MAST4: variants seen among roughly 807,000 people sequenced by gnomAD.
The protein encoded by MAST4 is microtubule associated serine/threonine kinase family member 4.
In MAST4, 89 loss-of-function variants were observed where a neutral mutation model predicts 162.7. The observed-to-expected ratio is 0.55, with a 90% CI of 0.46 to 0.65. MAST4 has a LOEUF of 0.65. MAST4 is among the 30% of genes least tolerant of loss of function. The pLI is 0.00. For synonymous variants in MAST4, 1,479 were observed against 1,361.1 expected (o/e 1.09, Z -1.91); for missense variants, 3,153 against 3,374.0 (o/e 0.93, Z 1.62).
At position 66,699,678 on chromosome 5, in the gene MAST4, C is replaced by T. The variant is rs188476719; in HGVS notation, c.364-60031C>T. 1.7e-3 allele frequency among the ~76,000 whole-genome samples: 252 copies of T among 150,446 alleles called. 1 individual carries two copies. Among genetic ancestry groups the T allele is most frequent in the African/African-American group, 5.7e-3 (234 of 41,198 alleles). On this transcript the variant is annotated intron_variant, in intron 1 of 28. Transcript: ENST00000403625. ...CACAGGAACAGAAAACCAAACACCA[C>T]GTGTTCTCACTCATAAGTGGGAGCT...
chr5:67,165,576 A>C lies in MAST4; in HGVS notation c.6397A>C (p.Ile2133Leu), dbSNP rs199583818. Residue 2133 changes from isoleucine to leucine, a missense_variant, in exon 29 of 29, where the codon ATC (isoleucine) becomes CTC (leucine). Physicochemically the swap from Ile to Leu is conservative, Grantham distance 5. Around this residue, in one of 7 missense-constraint regions of MAST4, gnomAD observed 1,644 missense variants for 1,495.0 expected, o/e 1.10. Coordinates refer to ENST00000403625, the MANE Select transcript of MAST4 (RefSeq NM_001164664.2). Reference protein sequence around the residue: ...EQPLQRHPSSIPPPPLTAKDL... With the variant: ...EQPLQRHPSSLPPPPLTAKDL... ...GCCTCTACAAAGGCATCCCAGCAGC[A>C]TCCCTCCGCCCCCTCTGACGGCCAA... 2 of 1,613,924 alleles carry C rather than the reference A, an allele frequency of 1.2e-6. No individual in the cohort carries two copies. The highest frequency in any genetic ancestry group is 1.1e-5 in the South Asian group (1 of 91,074).
chr5:67,104,208 A>G (rs985420330), intron 9 of MAST4, among the ~76,000 whole-genome samples, 158 bp from the exon 10 acceptor site: 4 of 152,210 alleles, frequency 2.6e-5, no homozygotes, highest in Non-Finnish European at 4.4e-5. Context: ...ATGTACCATT[A>G]TTTTATCAGA....
At chr5:66,664,095 G>A (rs1163292687) in intron 1 of MAST4, among the ~76,000 whole-genome samples, 1 of 152,076 alleles carries the variant, frequency 6.6e-6, no homozygotes, top group African/African-American at 2.4e-5. Flanking sequence ...AATAGAATTG[G>A]CATTTACTGA....
At chr5:66,761,439 C>T (rs1016358323) in intron 2 of MAST4, among the ~76,000 whole-genome samples, 2 of 152,108 alleles carry the variant, frequency 1.3e-5, no homozygotes, top group Admixed American at 1.3e-4. Context: ...AGTACTTTTT[C>T]CTCTAGATAT....
At chr5:66,786,426 C>A (rs1755123439) in intron 2 of MAST4, among the ~76,000 whole-genome samples, 1 of 150,428 alleles carries the variant, frequency 6.6e-6, no homozygotes, top group Non-Finnish European at 1.5e-5. Flanking sequence ...AAAACATGAA[C>A]AAAGAAAATG....
At chr5:66,953,180 T>C (rs1561474578) in intron 4 of MAST4, among the ~76,000 whole-genome samples, 2 of 152,182 alleles carry the variant, frequency 1.3e-5, no homozygotes, top group Non-Finnish European at 2.9e-5. Context: ...TTTTTAAGAA[T>C]ATATAAATAA....
intron 1 of MAST4, among the ~76,000 whole-genome samples, chr5:66,666,375 G>T (rs1025894874): frequency 6.6e-6 from 1 of 152,102 alleles, no homozygotes; most frequent in South Asian, 2.1e-4. Flanking sequence ...GTCATATCTG[G>T]TCATCTGTAT....
At chr5:66,717,050 G>A (rs80320288) in intron 1 of MAST4, among the ~76,000 whole-genome samples, 2,909 of 152,226 alleles carry the variant, frequency 0.019, 93 homozygotes, top group African/African-American at 0.065. Context: ...GTATTAAGCG[G>A]GAGGGAAGCG....
chr5:66,712,477 G>A (rs76047053), intron 1 of MAST4, among the ~76,000 whole-genome samples: 2,312 of 152,200 alleles, frequency 0.015, 62 homozygotes, highest in African/African-American at 0.052. Context: ...AGAGACTGTC[G>A]GAGAAAAGAC....
At chr5:67,080,195 T>G (rs1329146163) in intron 5 of MAST4, among the ~76,000 whole-genome samples, 2 of 152,232 alleles carry the variant, frequency 1.3e-5, no homozygotes, top group Non-Finnish European at 2.9e-5. Context: ...TGTCTTTGAC[T>G]TTCTGGCCCT....
intron 5 of MAST4, among the ~76,000 whole-genome samples, chr5:67,055,323 T>C (rs539239355): frequency 3.2e-4 from 49 of 152,286 alleles, no homozygotes; most frequent in Non-Finnish European, 5.9e-4. Context: ...TAGGAAGGTA[T>C]CTTCAGGATT....
At chr5:67,161,753 A>G (rs1435601252) in intron 27 of MAST4, among the ~76,000 whole-genome samples, 2 of 152,248 alleles carry the variant, frequency 1.3e-5, no homozygotes, top group African/African-American at 4.8e-5. Context: ...TACTCTGATT[A>G]AAATTACACA....
chr5:67,147,406 G>A (rs1396937342), intron 23 of MAST4, among the ~76,000 whole-genome samples: 2 of 152,228 alleles, frequency 1.3e-5, no homozygotes, highest in Non-Finnish European at 2.9e-5. Context: ...AGAAGCTCAC[G>A]CTTATATGCA....
intron 1 of MAST4, among the ~76,000 whole-genome samples, chr5:66,706,575 T>A (rs764008487): frequency 1.8e-4 from 28 of 151,498 alleles, no homozygotes; most frequent in Non-Finnish European, 4.1e-4. Context: ...TCCAAGAAAG[T>A]GTGTGTTCTG....
At chr5:67,131,658 G>C (rs1768980201) in intron 15 of MAST4, among the ~76,000 whole-genome samples, 155 bp from the exon 16 acceptor site, 1 of 152,128 alleles carries the variant, frequency 6.6e-6, no homozygotes, top group Admixed American at 6.6e-5. Flanking sequence ...TTCTTAGTTA[G>C]AAACATGATA....
intron 4 of MAST4, among the ~76,000 whole-genome samples, chr5:66,923,346 C>T (rs1048547757): frequency 5.9e-5 from 9 of 152,110 alleles, no homozygotes; most frequent in African/African-American, 1.7e-4. Flanking sequence ...TCTTGGGATA[C>T]GTTAATATTG....
At chr5:66,634,966 C>A (rs1745014359) in intron 1 of MAST4, among the ~76,000 whole-genome samples, 1 of 152,198 alleles carries the variant, frequency 6.6e-6, no homozygotes, top group Non-Finnish European at 1.5e-5. Flanking sequence ...GTGCAGAAAA[C>A]CCAATCCTGC....
At chr5:67,142,017 G>A in intron 19 of MAST4, 98 bp from the exon 20 acceptor site, 1 of 1,232,190 alleles carries the variant, frequency 8.1e-7, no homozygotes, top group Non-Finnish European at 1.1e-6. Context: ...TTTCTTTGCT[G>A]ATATGTTCTC....
At chr5:67,127,898 C>T (rs1345707584) in intron 14 of MAST4, among the ~76,000 whole-genome samples, 1 of 152,166 alleles carries the variant, frequency 6.6e-6, no homozygotes, top group African/African-American at 2.4e-5. Flanking sequence ...CCTAAATATA[C>T]ATAAATTTCC....
Sources: allele counts gnomAD v4.1 joint callset (sites outside exome capture counted in the v4.1 genomes callset), GRCh38; gene constraint gnomAD v4.1.1; regional missense constraint gnomAD v4.1.1; transcripts MANE v1.5; gene names NCBI Gene and HGNC (gene_info 2026-07-23, HGNC 2026-07-21).